Variants in OR2M2 observed in about 807,000 individuals in gnomAD.
OR2M2 encodes olfactory receptor 2M2.
For missense variants in OR2M2, 467 were observed against 429.9 expected, an observed-to-expected ratio of 1.09 and a Z score of -0.76; for synonymous variants, 168 against 151.7, an observed-to-expected ratio of 1.11 and a Z score of -0.79.
At chr1:248,178,690 C>T (rs1039872045) in intron 1 of OR2M2, among the ~76,000 whole-genome samples, 1 of 152,164 alleles carries the variant, frequency 6.6e-6, no homozygotes, top group Non-Finnish European at 1.5e-5. Flanking sequence ...AATTCTAACA[C>T]CCATCTTTGA....
intron 1 of OR2M2, among the ~76,000 whole-genome samples, chr1:248,178,837 A>G (rs1199238328): frequency 1.3e-5 from 2 of 152,238 alleles, no homozygotes; most frequent in African/African-American, 2.4e-5. Context: ...TGGTCAACAT[A>G]TAGCCAGACT....
chr1:248,180,350 G>T lies in OR2M2; in HGVS notation c.365G>T (p.Arg122Leu). 6.2e-7 allele frequency: 1 copy of T among 1,614,004 alleles called. No individual in the cohort carries two copies. The highest frequency in any genetic ancestry group is 8.5e-7 in the Non-Finnish European group (1 of 1,179,980). The part of the protein sequence containing the change: ...CFLLAVMAYD[R>L]YIAICHPLRY... The stretch of plus-strand genomic sequence containing the variant: ...CTTTTGGCTGTTATGGCTTATGACC[G>T]CTATATTGCTATTTGCCACCCTCTA... Residue 122 changes from arginine (R) to leucine (L), a missense_variant, in exon 2 of 2, where the codon CGC becomes CTC. Physicochemically the swap from Arg to Leu is moderately radical, Grantham distance 102. Transcript: ENST00000641836.
At chr1:248,177,281 G>A (rs1038207469) in intron 1 of OR2M2, among the ~76,000 whole-genome samples, 11 of 152,090 alleles carry the variant, frequency 7.2e-5, no homozygotes, top group Admixed American at 5.9e-4. Flanking sequence ...AACATATGTC[G>A]TAGAAATGTC....
chr1:248,179,551 C>T (rs9435918), intron 1 of OR2M2, among the ~76,000 whole-genome samples: 167 of 152,190 alleles, frequency 1.1e-3, no homozygotes, highest in African/African-American at 3.7e-3. Flanking sequence ...ATTATGAGAG[C>T]GAAGCATACA....
intron 1 of OR2M2, among the ~76,000 whole-genome samples, chr1:248,179,738 A>G (rs186436851): frequency 6.6e-6 from 1 of 152,296 alleles, no homozygotes; most frequent in East Asian, 1.9e-4. Context: ...TAATTTTTCA[A>G]TTGAAAAAGG....
At chr1:248,176,501 T>C (rs1275324126) in intron 1 of OR2M2, among the ~76,000 whole-genome samples, 4 of 152,094 alleles carry the variant, frequency 2.6e-5, no homozygotes, top group African/African-American at 9.7e-5. Flanking sequence ...CAATGTCTAA[T>C]CCAAATTCAA....
chr1:248,178,477 G>A (rs947918155), intron 1 of OR2M2, among the ~76,000 whole-genome samples: 8 of 152,038 alleles, frequency 5.3e-5, no homozygotes, highest in African/African-American at 1.7e-4. Context: ...AGAAAACCAT[G>A]TTTTTATTCC....
chr1:248,180,440 G>C lies in OR2M2; in HGVS notation c.455G>C (p.Gly152Ala), dbSNP rs1665915851. The change falls in exon 2 of 2, where the codon GGC becomes GCC. Residue 152 changes from glycine (G) to alanine (A), a missense_variant. Physicochemically the swap from Gly to Ala is moderately conservative, Grantham distance 60 (BLOSUM62 0). Transcript: ENST00000641836. ...ATGGCTACCTTCTCCTGGATCCTGGGCTCTACAGATGGAATCATTGATGCT... is the reference window on the plus strand; with the variant it reads ...ATGGCTACCTTCTCCTGGATCCTGGCCTCTACAGATGGAATCATTGATGCT... The part of the protein sequence containing the change: ...GLMATFSWIL[G>A]STDGIIDAVA... The C allele has an allele frequency of 1.2e-6, 2 of 1,613,762 alleles. No individual in the cohort carries two copies. The highest frequency in any genetic ancestry group is 3.3e-5 in the Admixed American group (2 of 59,994).
chr1:248,175,329 A>G (rs1179850898), intron 1 of OR2M2, among the ~76,000 whole-genome samples: 1 of 152,158 alleles, frequency 6.6e-6, no homozygotes, highest in Non-Finnish European at 1.5e-5. Flanking sequence ...GACTGCTGAC[A>G]TAAGATTGTG....
intron 1 of OR2M2, among the ~76,000 whole-genome samples, chr1:248,178,174 A>G (rs1025261852): frequency 2.0e-4 from 30 of 152,152 alleles, no homozygotes; most frequent in African/African-American, 6.5e-4. Flanking sequence ...ATGAGGACAA[A>G]TTCTAGATTC....
chr1:248,177,319 T>C (rs1323226139), intron 1 of OR2M2, among the ~76,000 whole-genome samples: 1 of 152,108 alleles, frequency 6.6e-6, no homozygotes, highest in Non-Finnish European at 1.5e-5. Context: ...TTACTCAACA[T>C]TTTACATCCA....
chr1:248,180,452 G>C lies in OR2M2; in HGVS notation c.467G>C (p.Gly156Ala). The C allele has an allele frequency of 1.2e-6, 2 of 1,613,882 alleles. No individual in the cohort carries two copies. The highest frequency in any genetic ancestry group is 1.7e-6 in the Non-Finnish European group (2 of 1,179,902). ...TFSWILGSTD[G>A]IIDAVATFSF... Reference sequence around the variant, plus strand: ...TCCTGGATCCTGGGCTCTACAGATGGAATCATTGATGCTGTAGCCACATTT... The same window carrying C: ...TCCTGGATCCTGGGCTCTACAGATGCAATCATTGATGCTGTAGCCACATTT... The change falls in exon 2 of 2, where the codon GGA becomes GCA. Residue 156 changes from glycine (G) to alanine (A), a missense_variant. By Grantham distance (60) the Gly-to-Ala change is moderately conservative. Transcript: ENST00000641836.
Position 248,180,334 on chromosome 1 carries a change from G to T in OR2M2, c.349G>T (p.Val117Phe). ...TGGCTCTGAATGTTTTCTTTTGGCT[G>T]TTATGGCTTATGACCGCTATATTGC... ...LSGSECFLLA[V>F]MAYDRYIAIC... is the part of the protein sequence containing the mutation. The change falls in exon 2 of 2, where the codon GTT becomes TTT. Residue 117 changes from valine to phenylalanine, a missense_variant. Coordinates refer to ENST00000641836, the MANE Select transcript of OR2M2 (RefSeq NM_001004688.2). The T allele has an allele frequency of 6.2e-7, 1 of 1,614,064 alleles. No individual in the cohort carries two copies. The highest frequency in any genetic ancestry group is 8.5e-7 in the Non-Finnish European group (1 of 1,180,002).
At chr1:248,178,164 A>G (rs1432507661) in intron 1 of OR2M2, among the ~76,000 whole-genome samples, 1 of 152,142 alleles carries the variant, frequency 6.6e-6, no homozygotes, top group African/African-American at 2.4e-5. Context: ...ATTTCACCCC[A>G]TGAGGACAAA....
In OR2M2 at chr1:248,180,143, C is replaced by T. The variant is rs148032327; in HGVS notation, c.158C>T (p.Thr53Ile). ...SVMVLLIYLD[T>I]QLHTPMYFLL... ...ATGGTTCTCCTCATCTACCTGGACACCCAGCTCCACACCCCCATGTACTTC... is the reference window on the plus strand; with the variant it reads ...ATGGTTCTCCTCATCTACCTGGACATCCAGCTCCACACCCCCATGTACTTC... Residue 53 changes from threonine to isoleucine, a missense_variant, in exon 2 of 2, where the codon ACC (threonine) becomes ATC (isoleucine). Coordinates refer to ENST00000641836, the MANE Select transcript of OR2M2 (RefSeq NM_001004688.2). 1.2e-6 allele frequency: 2 copies of T among 1,613,958 alleles called. No individual in the cohort carries two copies. Among genetic ancestry groups the T allele is most frequent in the Non-Finnish European group, 1.7e-6 (2 of 1,180,008 alleles).
At chr1:248,179,712 T>C (rs1299858208) in intron 1 of OR2M2, among the ~76,000 whole-genome samples, 1 of 152,210 alleles carries the variant, frequency 6.6e-6, no homozygotes, top group African/African-American at 2.4e-5. Flanking sequence ...CAATCATTTA[T>C]TAGATATTTT....
Position 248,180,028 on chromosome 1 carries a change from C to A in OR2M2, c.43C>A (p.Leu15Ile). 6.2e-7 allele frequency: 1 copy of A among 1,613,934 alleles called. No individual in the cohort carries two copies. The highest frequency in any genetic ancestry group is 8.5e-7 in the Non-Finnish European group (1 of 1,179,930). ...GACCTTCAACTCCGACTTCATCCTC[C>A]TTGGAATCTTCAATCACAGCCCACC... ...NQTFNSDFIL[L>I]GIFNHSPPHT... The change falls in exon 2 of 2, where the codon CTT (leucine) becomes ATT (isoleucine). Residue 15 changes from leucine to isoleucine, a missense_variant. Coordinates refer to ENST00000641836, the MANE Select transcript of OR2M2 (RefSeq NM_001004688.2).
chr1:248,176,165 A>G (rs1665854646), intron 1 of OR2M2, among the ~76,000 whole-genome samples: 1 of 152,072 alleles, frequency 6.6e-6, no homozygotes, highest in African/African-American at 2.4e-5. Context: ...ATAATGCTTT[A>G]CATTTTTTCA....
At chr1:248,176,491 C>T (rs1220433122) in intron 1 of OR2M2, among the ~76,000 whole-genome samples, 1 of 151,878 alleles carries the variant, frequency 6.6e-6, no homozygotes. Flanking sequence ...ACTTGTCAGG[C>T]AATGTCTAAT....
Sources: allele counts gnomAD v4.1 joint callset (sites outside exome capture counted in the v4.1 genomes callset), GRCh38; gene constraint gnomAD v4.1.1; transcripts MANE v1.5; gene names NCBI Gene and HGNC (gene_info 2026-07-23, HGNC 2026-07-21).